The following TNFRSF19 variants were observed in gnomAD, a reference collection of about 807,000 sequenced individuals.
The protein encoded by TNFRSF19 is TNF receptor superfamily member 19.
In TNFRSF19, 27 loss-of-function variants were observed where a neutral mutation model predicts 46.4. The ratio of observed to expected loss-of-function variants is 0.58; its 90% CI spans 0.43 to 0.80. TNFRSF19 has a LOEUF of 0.80. TNFRSF19 is among the 30% of genes least tolerant of loss of function. The probability of loss-of-function intolerance (pLI) is 0.00; values close to 1 mark genes in which losing one functional copy is unlikely to be tolerated. For missense variants in TNFRSF19, 511 were observed against 530.8 expected, an observed-to-expected ratio of 0.96 and a Z score of 0.37; for synonymous variants, 204 against 205.0, an observed-to-expected ratio of 1.00 and a Z score of 0.04.
intron 7 of TNFRSF19, among the ~76,000 whole-genome samples, chr13:23,664,970 T>C (rs1565953731): frequency 6.6e-6 from 1 of 152,242 alleles, no homozygotes; most frequent in Non-Finnish European, 1.5e-5. Context: ...AACAAAATAT[T>C]GCTATGCAGC....
chr13:23,612,362 G>A (rs926459608), intron 3 of TNFRSF19, among the ~76,000 whole-genome samples: 14 of 152,112 alleles, frequency 9.2e-5, no homozygotes, highest in African/African-American at 3.4e-4. Context: ...ATTTATATTG[G>A]GGGTAATTTA....
chr13:23,626,187 C>CTGTGTGTG (rs35509472), intron 4 of TNFRSF19, among the ~76,000 whole-genome samples: 5,308 of 145,474 alleles, frequency 0.036, 138 homozygotes, highest in South Asian at 0.088. Context: ...TCTTTAAAAT[C>CTGTGTGTG]TGTGTGTGTG....
intron 5 of TNFRSF19, among the ~76,000 whole-genome samples, chr13:23,653,510 T>C (rs961399252): frequency 2.6e-5 from 4 of 151,944 alleles, no homozygotes; most frequent in African/African-American, 9.7e-5. Context: ...TGTAAATAGA[T>C]TGGTGGGAAG....
At chr13:23,572,696 C>T (rs917638558) in intron 1 of TNFRSF19, among the ~76,000 whole-genome samples, 2 of 152,106 alleles carry the variant, frequency 1.3e-5, no homozygotes, top group African/African-American at 4.8e-5. Flanking sequence ...CTTCTAGTGT[C>T]ATTGTTGAGA....
At chr13:23,597,307 G>A (rs1046732631) in intron 3 of TNFRSF19, among the ~76,000 whole-genome samples, 2 of 152,102 alleles carry the variant, frequency 1.3e-5, no homozygotes, top group African/African-American at 2.4e-5. Context: ...TAATCCAGGA[G>A]CTGTTTTTTT....
intron 3 of TNFRSF19, among the ~76,000 whole-genome samples, chr13:23,607,612 A>G (rs894973479): frequency 6.6e-6 from 1 of 152,218 alleles, no homozygotes; most frequent in African/African-American, 2.4e-5. Flanking sequence ...GCTAGACCAA[A>G]CTATTGATAT....
intron 1 of TNFRSF19, among the ~76,000 whole-genome samples, chr13:23,589,701 A>G (rs901206663): frequency 5.9e-5 from 9 of 152,238 alleles, no homozygotes; most frequent in African/African-American, 2.2e-4. Flanking sequence ...AGTTGTGAGG[A>G]TTAAGTGAGT....
At chr13:23,614,100 C>T (rs1406252238) in intron 3 of TNFRSF19, among the ~76,000 whole-genome samples, 1 of 152,138 alleles carries the variant, frequency 6.6e-6, no homozygotes, top group East Asian at 1.9e-4. Context: ...GTTTGTCTCC[C>T]CCCTCCTCTC....
chr13:23,611,825 TG>T (rs1422783760), intron 3 of TNFRSF19, among the ~76,000 whole-genome samples: 1 of 152,192 alleles, frequency 6.6e-6, no homozygotes, highest in Non-Finnish European at 1.5e-5. Context: ...ACCCTCTCTG[TG>T]CCAGGACTTG....
chr13:23,656,624 C>G (rs1018755929), intron 5 of TNFRSF19, among the ~76,000 whole-genome samples: 1 of 152,136 alleles, frequency 6.6e-6, no homozygotes, highest in African/African-American at 2.4e-5. Flanking sequence ...TTCATTTTTA[C>G]GACAGCTATT....
chr13:23,582,652 G>A (rs575320794), intron 1 of TNFRSF19, among the ~76,000 whole-genome samples: 1 of 152,232 alleles, frequency 6.6e-6, no homozygotes, highest in South Asian at 2.1e-4. Context: ...AATCCTGATG[G>A]TGAACACATA....
rs1299517081 is a variant in TNFRSF19 at position 23,674,452 on chromosome 13, G to A, written c.*1072G>A. 9 of 152,150 alleles carry A rather than the reference G, an allele frequency of 5.9e-5. No individual in the cohort carries two copies. The East Asian group carries it at 7.7e-4, about 13-fold the overall frequency. 9.4% of individuals were successfully genotyped at this position (152,150 alleles called of 1,614,324 possible). A position where few individuals can be genotyped will look rare whatever the true frequency, so the allele number is the denominator to read the frequency against. Reference sequence around the variant, plus strand: ...AGTGTAGTTTGACCAGGACATTGTCGTGCTCCTTCCAATTGTGTAAGATTA... The same window carrying A: ...AGTGTAGTTTGACCAGGACATTGTCATGCTCCTTCCAATTGTGTAAGATTA... On this transcript the variant is annotated 3_prime_UTR_variant, in exon 10 of 10. Transcript: ENST00000248484.
chr13:23,667,178 CA>C (rs1951652313), intron 7 of TNFRSF19, among the ~76,000 whole-genome samples: 1 of 150,890 alleles, frequency 6.6e-6, no homozygotes, highest in South Asian at 2.1e-4. Flanking sequence ...GAAGGCTGTT[CA>C]AAAAGCTGAG....
intron 1 of TNFRSF19, among the ~76,000 whole-genome samples, chr13:23,575,079 C>G (rs1218723091): frequency 6.6e-6 from 1 of 152,226 alleles, no homozygotes; most frequent in Non-Finnish European, 1.5e-5. Context: ...TTTGGTGGCT[C>G]TATAGCTTAG....
intron 5 of TNFRSF19, among the ~76,000 whole-genome samples, chr13:23,628,881 C>G (rs1199895920): frequency 6.6e-6 from 1 of 152,108 alleles, no homozygotes; most frequent in African/African-American, 2.4e-5. Flanking sequence ...GTGTGCACAG[C>G]TGATAGCCTT....
chr13:23,635,369 A>C (rs1882613730), intron 5 of TNFRSF19, among the ~76,000 whole-genome samples: 1 of 152,126 alleles, frequency 6.6e-6, no homozygotes, highest in African/African-American at 2.4e-5. Flanking sequence ...ATAATATCCC[A>C]CTTTGGGTTT....
intron 1 of TNFRSF19, among the ~76,000 whole-genome samples, chr13:23,572,918 C>T (rs572040553): frequency 6.6e-6 from 1 of 152,288 alleles, no homozygotes; most frequent in Admixed American, 6.5e-5. Flanking sequence ...ACAGAAAGTC[C>T]AAGTCTTCAA....
chr13:23,606,024 G>C (rs926284634), intron 3 of TNFRSF19, among the ~76,000 whole-genome samples: 1 of 152,128 alleles, frequency 6.6e-6, no homozygotes, highest in African/African-American at 2.4e-5. Flanking sequence ...TGATAAGAAT[G>C]AGCCTTTGTG....
rs569440599 is a variant in TNFRSF19, at chr13:23,580,475, A to G, written c.-35+9627A>G. On this transcript the variant is annotated intron_variant, in intron 1 of 9. Transcript: ENST00000248484. The stretch of plus-strand genomic sequence containing the variant: ...ATACCTCATGCAAACGATATTTCTT[A>G]GTGTTGTCATTTCATGATCAGATAT... Among the ~76,000 whole-genome samples, 8 of 152,372 alleles carry G rather than the reference A, an allele frequency of 5.3e-5. No homozygotes were observed. The South Asian group carries it at 1.7e-3, about 32-fold the overall frequency.
Sources: gnomAD v4.1 joint callset for allele counts (sites outside exome capture counted in the v4.1 genomes callset) on GRCh38, gnomAD v4.1.1 for gene constraint, MANE v1.5 for transcripts, NCBI Gene and HGNC (gene_info 2026-07-23, HGNC 2026-07-21) for gene names.